Variants in PLEKHM3 observed in about 807,000 individuals in gnomAD.
PLEKHM3 encodes the protein pleckstrin homology domain containing M3, also known as pleckstrin homology domain-containing family M member 3.
Under a neutral mutation model 81.8 loss-of-function variants are expected in PLEKHM3, and 45 were observed. The ratio of observed to expected loss-of-function variants is 0.55; its 90% CI spans 0.43 to 0.71. The LOEUF (loss-of-function observed/expected upper bound fraction) is 0.71. PLEKHM3 is among the 30% of genes least tolerant of loss of function. The pLI, the probability that PLEKHM3 is intolerant of heterozygous loss-of-function variation, is 0.00. For synonymous variants in PLEKHM3, 352 were observed against 356.4 expected (o/e 0.99, Z 0.14); for missense variants, 788 against 924.3 (o/e 0.85, Z 1.91).
intron 7 of PLEKHM3, among the ~76,000 whole-genome samples, chr2:207,829,082 G>T (rs964115686): frequency 3.9e-5 from 6 of 152,244 alleles, no homozygotes; most frequent in Admixed American, 6.5e-5. Context: ...TCCTACCTTT[G>T]TAAGTCTACC....
rs1158453002 is a variant in PLEKHM3, at chr2:207,977,205, T to A, written c.992A>T (p.Asp331Val). Residue 331 changes from aspartate to valine, a missense_variant, in exon 3 of 8, where the codon GAT becomes GTT. Transcript: ENST00000427836. ...GAAACTATGATTCTGTGTATAGTCA[T>A]CATGATGGCCAAGCCCTGGTGAGAT... ...LTISPGLGHH[D>V]DYTQNHSFQK... The A allele has an allele frequency of 2.5e-6, 4 of 1,614,192 alleles. No individual in the cohort carries two copies. In the East Asian group the frequency reaches 8.9e-5, roughly 36 times the overall value.
At chr2:207,891,766 T>G (rs972099995) in intron 6 of PLEKHM3, among the ~76,000 whole-genome samples, 5 of 152,234 alleles carry the variant, frequency 3.3e-5, no homozygotes, top group Admixed American at 3.3e-4. Context: ...ACTGATTCAT[T>G]CATTCACCCC....
At chr2:207,957,633 G>A (rs1428555090) in intron 3 of PLEKHM3, among the ~76,000 whole-genome samples, 1 of 152,168 alleles carries the variant, frequency 6.6e-6, no homozygotes, top group African/African-American at 2.4e-5. Flanking sequence ...AGGAGACGGA[G>A]GTTGCAGTGA....
chr2:207,929,513 A>G lies in PLEKHM3; in HGVS notation c.1886+1413T>C, dbSNP rs140323429. 4.3e-3 allele frequency among the ~76,000 whole-genome samples: 662 copies of G among 152,328 alleles called. 7 individuals carry two copies. Among genetic ancestry groups the G allele is most frequent in the African/African-American group, 0.015 (607 of 41,578 alleles). ...AAAGGTACTGAAAATAATAGAACAT[A>G]CTTTGAACATTAAAAATCTTGTATC... On this transcript the variant is annotated intron_variant, in intron 5 of 7. Transcript: ENST00000427836.
At chr2:207,846,354 C>G (rs935982639) in intron 7 of PLEKHM3, among the ~76,000 whole-genome samples, 3 of 151,964 alleles carry the variant, frequency 2.0e-5, no homozygotes, top group African/African-American at 4.8e-5. Flanking sequence ...ATTGGCCAGG[C>G]TGGTCTTGAA....
At chr2:207,882,985 T>C (rs1687748354) in intron 6 of PLEKHM3, among the ~76,000 whole-genome samples, 1 of 152,092 alleles carries the variant, frequency 6.6e-6, no homozygotes, top group Non-Finnish European at 1.5e-5. Flanking sequence ...TGACCTGAAG[T>C]GATCCACCCA....
intron 6 of PLEKHM3, among the ~76,000 whole-genome samples, chr2:207,887,861 G>A (rs1687928019): frequency 6.6e-6 from 1 of 152,168 alleles, no homozygotes. Flanking sequence ...GTTAGGGCAG[G>A]AGATAGTGGA....
At chr2:207,894,301 G>A (rs1181382511) in intron 6 of PLEKHM3, among the ~76,000 whole-genome samples, 3 of 152,072 alleles carry the variant, frequency 2.0e-5, no homozygotes, top group Non-Finnish European at 2.9e-5. Context: ...TTTGACCACC[G>A]TGGCACCAGT....
chr2:208,022,900 G>A (rs6435402), intron 1 of PLEKHM3, among the ~76,000 whole-genome samples: 20,475 of 152,164 alleles, frequency 0.13, 1,561 homozygotes, highest in African/African-American at 0.18. Context: ...GCCTGCCACA[G>A]TCTTAGGTGT....
intron 7 of PLEKHM3, among the ~76,000 whole-genome samples, chr2:207,830,831 C>G (rs1178114768): frequency 6.6e-6 from 1 of 152,098 alleles, no homozygotes. Flanking sequence ...TCTCCAGAAA[C>G]CAACCCTGTT....
chr2:207,950,646 G>C (rs1294936309), intron 3 of PLEKHM3, among the ~76,000 whole-genome samples: 1 of 152,132 alleles, frequency 6.6e-6, no homozygotes, highest in Non-Finnish European at 1.5e-5. Flanking sequence ...TGATTTCTAG[G>C]TGACCTCCAA....
chr2:207,976,563 C>A lies in PLEKHM3; in HGVS notation c.1546+88G>T. ...ATAAACAGGAGATAGCTGTGACTAG[C>A]CTATTAAGGGGATTTTTAAAGTGAA... is the stretch of plus-strand genomic sequence containing the variant. On this transcript the variant is annotated intron_variant, in intron 3 of 7. Transcript: ENST00000427836. The surrounding 1 kb of genome is among the most constrained non-coding windows in gnomAD (Gnocchi z 4.1). 3.1e-6 allele frequency: 4 copies of A among 1,279,560 alleles called. No homozygotes were observed. The Middle Eastern group carries it at 5.8e-4, about 186-fold the overall frequency. 79.3% of individuals were successfully genotyped at this position (1,279,560 alleles called of 1,614,324 possible). A position where few individuals can be genotyped will look rare whatever the true frequency, so the allele number is the denominator to read the frequency against.
intron 2 of PLEKHM3, among the ~76,000 whole-genome samples, chr2:207,988,206 T>A (rs990141002): frequency 2.6e-5 from 4 of 152,212 alleles, no homozygotes; most frequent in African/African-American, 9.6e-5. Context: ...ATATATAAGA[T>A]GCTTGGCTTC....
intron 7 of PLEKHM3, among the ~76,000 whole-genome samples, chr2:207,834,811 T>C (rs970038750): frequency 1.3e-4 from 20 of 152,194 alleles, no homozygotes; most frequent in Non-Finnish European, 2.5e-4. Context: ...TCTGGGCTGT[T>C]TCTCTGTGGT....
At chr2:207,939,648 G>A (rs1176147469) in intron 4 of PLEKHM3, among the ~76,000 whole-genome samples, 1 of 152,166 alleles carries the variant, frequency 6.6e-6, no homozygotes, top group African/African-American at 2.4e-5. Context: ...TATGAACTGG[G>A]TTCTATTATT....
intron 6 of PLEKHM3, among the ~76,000 whole-genome samples, chr2:207,869,188 G>C (rs181401386): frequency 6.6e-6 from 1 of 152,246 alleles, no homozygotes; most frequent in Admixed American, 6.5e-5. Context: ...GCATTAGAAG[G>C]CTGGTAGTTT....
intron 6 of PLEKHM3, among the ~76,000 whole-genome samples, chr2:207,896,768 G>A (rs1385545654): frequency 6.6e-6 from 1 of 152,214 alleles, no homozygotes; most frequent in African/African-American, 2.4e-5. Flanking sequence ...AATTGCAGGT[G>A]GGAAGGAACA....
At chr2:207,966,313 C>T (rs1313330577) in intron 3 of PLEKHM3, among the ~76,000 whole-genome samples, 1 of 152,180 alleles carries the variant, frequency 6.6e-6, no homozygotes, top group Non-Finnish European at 1.5e-5. Flanking sequence ...TCTTGCCATT[C>T]TACTCATTTT....
intron 3 of PLEKHM3, among the ~76,000 whole-genome samples, chr2:207,946,806 C>A (rs1690147276): frequency 6.6e-6 from 1 of 152,220 alleles, no homozygotes; most frequent in African/African-American, 2.4e-5. Flanking sequence ...AGTCTCTCTA[C>A]AACCTCGCCT....
Sources: allele counts gnomAD v4.1 joint callset (sites outside exome capture counted in the v4.1 genomes callset), GRCh38; gene constraint gnomAD v4.1.1; non-coding constraint Gnocchi (gnomAD v3.1); transcripts MANE v1.5; gene names NCBI Gene and HGNC (gene_info 2026-07-23, HGNC 2026-07-21).